Variants in CLVS1 observed in about 807,000 individuals in gnomAD.
CLVS1 encodes clavesin 1, also known as clavesin-1.
Under a neutral mutation model 33.1 loss-of-function variants are expected in CLVS1, and 10 were observed. The ratio of observed to expected loss-of-function variants is 0.30; its 90% confidence interval spans 0.19 to 0.51. CLVS1 has a LOEUF of 0.51. Ranked by LOEUF, CLVS1 falls within the 20% of genes least tolerant of loss-of-function variation. CLVS1 has a pLI of 0.97. For missense variants in CLVS1, 343 were observed against 433.4 expected (o/e 0.79, Z 1.85); for synonymous variants, 163 against 166.1 (o/e 0.98, Z 0.14).
intron 3 of CLVS1, among the ~76,000 whole-genome samples, chr8:61,434,347 G>A (rs1012494887): frequency 6.6e-6 from 1 of 152,194 alleles, no homozygotes; most frequent in Admixed American, 6.5e-5. Flanking sequence ...AACATGGCTT[G>A]AGAATAAACA....
At chr8:61,199,198 C>A (rs1334063998) in intron 2 of CLVS1, among the ~76,000 whole-genome samples, 1 of 152,048 alleles carries the variant, frequency 6.6e-6, no homozygotes, top group African/African-American at 2.4e-5. Flanking sequence ...TTGGCCTGGG[C>A]AAAGGATTTA....
chr8:61,464,691 A>G (rs1817485294), intron 5 of CLVS1: 7 of 152,194 alleles, frequency 4.6e-5, no homozygotes, highest in Admixed American at 4.6e-4. Flanking sequence ...ACTAGCTAGC[A>G]GGAGAAGCTA....
At chr8:61,245,439 C>G (rs933453565) in intron 2 of CLVS1, among the ~76,000 whole-genome samples, 1 of 152,078 alleles carries the variant, frequency 6.6e-6, no homozygotes. Flanking sequence ...CCTGCCTGGG[C>G]CTCCTAAAGT....
chr8:61,239,279 T>C (rs146327945), intron 2 of CLVS1, among the ~76,000 whole-genome samples: 2 of 152,352 alleles, frequency 1.3e-5, no homozygotes, highest in East Asian at 3.9e-4. Context: ...ACTGGACATA[T>C]CAACCCTGCA....
At chr8:61,411,466 CT>C (rs1310725958) in intron 3 of CLVS1, among the ~76,000 whole-genome samples, 1 of 152,118 alleles carries the variant, frequency 6.6e-6, no homozygotes, top group Non-Finnish European at 1.5e-5. Context: ...AGAGAAGAGA[CT>C]GCAGGAGCAG....
intron 3 of CLVS1, among the ~76,000 whole-genome samples, chr8:61,400,867 AT>A (rs1814720967): frequency 6.6e-6 from 1 of 152,156 alleles, no homozygotes; most frequent in South Asian, 2.1e-4. Context: ...CTAACCTTCC[AT>A]CCAGGGATGA....
At chr8:61,348,564 A>G (rs1260439395) in intron 2 of CLVS1, among the ~76,000 whole-genome samples, 1 of 152,130 alleles carries the variant, frequency 6.6e-6, no homozygotes. Context: ...CCTACTTTTT[A>G]TGGCTGAATA....
intron 5 of CLVS1, among the ~76,000 whole-genome samples, chr8:61,468,287 C>A (rs1001618761): frequency 2.0e-5 from 3 of 152,152 alleles, no homozygotes; most frequent in African/African-American, 7.2e-5. Flanking sequence ...ATGTTCCTTA[C>A]ATAGCTAATA....
intron 2 of CLVS1, chr8:61,202,901 C>G (rs895457308): frequency 1.0e-6 from 1 of 998,610 alleles, no homozygotes; most frequent in Non-Finnish European, 1.6e-6. Flanking sequence ...AATGAGGAAG[C>G]TGAAGAAAAA....
At chr8:61,209,147 C>A (rs1313718123) in intron 2 of CLVS1, among the ~76,000 whole-genome samples, 1 of 152,118 alleles carries the variant, frequency 6.6e-6, no homozygotes, top group Non-Finnish European at 1.5e-5. Context: ...AAACATTGAC[C>A]ATATTTTCAA....
intron 2 of CLVS1, among the ~76,000 whole-genome samples, chr8:61,318,403 T>C (rs951400380): frequency 2.0e-5 from 3 of 152,194 alleles, no homozygotes; most frequent in African/African-American, 4.8e-5. Context: ...GTTTCCTAGA[T>C]ACCAGGAATA....
At chr8:61,344,775 T>C (rs1240094202) in intron 2 of CLVS1, among the ~76,000 whole-genome samples, 1 of 152,178 alleles carries the variant, frequency 6.6e-6, no homozygotes, top group Non-Finnish European at 1.5e-5. Flanking sequence ...TTATTTTTTT[T>C]CTTGGTTCCC....
At chr8:61,387,965 G>A (rs528105060) in intron 3 of CLVS1, among the ~76,000 whole-genome samples, 8 of 152,178 alleles carry the variant, frequency 5.3e-5, no homozygotes, top group Admixed American at 1.3e-4. Context: ...TCTGTATAAC[G>A]ACTTCTTTTC....
intron 5 of CLVS1, among the ~76,000 whole-genome samples, chr8:61,481,509 CT>C (rs1563573702): frequency 1.3e-5 from 2 of 152,204 alleles, no homozygotes; most frequent in South Asian, 4.1e-4. Context: ...TAATACTACG[CT>C]TTTCCAACGG....
At chr8:61,077,038 G>T (rs1181764828) in intron 1 of CLVS1, among the ~76,000 whole-genome samples, 22 of 152,068 alleles carry the variant, frequency 1.4e-4, no homozygotes, top group Admixed American at 1.4e-3. Context: ...TACAGGGCTT[G>T]GGTCAGGACT....
At chr8:61,492,985 G>A (rs1323882144) in intron 5 of CLVS1, among the ~76,000 whole-genome samples, 1 of 152,136 alleles carries the variant, frequency 6.6e-6, no homozygotes, top group Non-Finnish European at 1.5e-5. Flanking sequence ...ACTATCGAAT[G>A]CATTATAGTA....
chr8:61,433,551 A>C (rs1816193784), intron 3 of CLVS1, among the ~76,000 whole-genome samples: 1 of 152,118 alleles, frequency 6.6e-6, no homozygotes, highest in African/African-American at 2.4e-5. Context: ...CTAAATAGAT[A>C]ATTATAATTA....
At chr8:61,003,634 G>A in the CLVS1 span, among the ~76,000 whole-genome samples, 1 of 152,166 alleles carries the variant, frequency 6.6e-6, no homozygotes, top group Non-Finnish European at 1.5e-5. Context: ...CTTGTGCCCA[G>A]GTTTCCATAT....
At chr8:61,282,484 G>A (rs986517599) in intron 2 of CLVS1, among the ~76,000 whole-genome samples, 33 of 152,184 alleles carry the variant, frequency 2.2e-4, no homozygotes, top group African/African-American at 8.0e-4. Flanking sequence ...AGATAATATA[G>A]CAGAACAGTG....
Sources: allele counts gnomAD v4.1 joint callset (sites outside exome capture counted in the v4.1 genomes callset), GRCh38; gene constraint gnomAD v4.1.1; transcripts MANE v1.5; gene names NCBI Gene and HGNC (gene_info 2026-07-23, HGNC 2026-07-21).